ERG: variants seen among roughly 807,000 people sequenced by gnomAD.
The protein encoded by ERG is ETS transcription factor ERG, also known as transcriptional regulator ERG.
Under a neutral mutation model 55.3 loss-of-function variants are expected in ERG, and 9 were observed. The ratio of observed to expected loss-of-function variants is 0.16; its 90% CI spans 0.10 to 0.28. The LOEUF is 0.28. Ranked by LOEUF, ERG falls within the 10% of genes least tolerant of loss-of-function variation. ERG has a pLI of 1.00. For missense variants in ERG, 434 were observed against 631.6 expected, an observed-to-expected ratio of 0.69 and a Z score of 3.35; for synonymous variants, 223 against 237.3, an observed-to-expected ratio of 0.94 and a Z score of 0.55.
downstream of ERG, among the ~76,000 whole-genome samples, chr21:38,375,884 G>T (rs961006728): frequency 2.0e-5 from 3 of 152,070 alleles, no homozygotes; most frequent in African/African-American, 7.2e-5. Context: ...AACACAACTG[G>T]ACATCACACA....
intron 3 of ERG, among the ~76,000 whole-genome samples, chr21:38,416,015 G>T (rs1989263135): frequency 6.6e-6 from 1 of 152,220 alleles, no homozygotes; most frequent in South Asian, 2.1e-4. Flanking sequence ...ATCAGGGCTT[G>T]GTCGGAGGGT....
intron 2 of ERG, among the ~76,000 whole-genome samples, chr21:38,560,845 T>C (rs988659001): frequency 6.6e-6 from 1 of 152,242 alleles, no homozygotes; most frequent in Non-Finnish European, 1.5e-5. Context: ...TGTTGCTGTT[T>C]ACATGAGGGC....
intron 2 of ERG, among the ~76,000 whole-genome samples, chr21:38,431,449 G>A (rs996635108): frequency 2.0e-5 from 3 of 152,168 alleles, no homozygotes; most frequent in African/African-American, 7.2e-5. Flanking sequence ...CTGTGTGCAA[G>A]CTATGTGAAG....
intron 2 of ERG, among the ~76,000 whole-genome samples, chr21:38,512,048 G>T (rs774001712): frequency 6.6e-6 from 1 of 152,188 alleles, no homozygotes; most frequent in Non-Finnish European, 1.5e-5. Context: ...CTAATGGAAG[G>T]TATATTGTCA....
downstream of ERG, among the ~76,000 whole-genome samples, chr21:38,375,514 C>A (rs1203373881): frequency 1.3e-5 from 2 of 152,218 alleles, no homozygotes; most frequent in East Asian, 1.9e-4. Flanking sequence ...ATTCTTGCTC[C>A]CCACTGATTT....
chr21:38,452,803 G>A (rs1366253094), intron 1 of ERG, among the ~76,000 whole-genome samples: 3 of 152,222 alleles, frequency 2.0e-5, no homozygotes, highest in Non-Finnish European at 4.4e-5. Context: ...AGGGCTCTGA[G>A]AAGGCCTGGC....
chr21:38,540,133 T>C (rs1473584527), intron 2 of ERG, among the ~76,000 whole-genome samples: 2 of 152,074 alleles, frequency 1.3e-5, no homozygotes, highest in Non-Finnish European at 2.9e-5. Context: ...CGACCTCAAG[T>C]GATCCACCCA....
upstream of ERG, among the ~76,000 whole-genome samples, chr21:38,589,262 C>G (rs558291012): frequency 6.6e-6 from 1 of 152,230 alleles, no homozygotes; most frequent in Non-Finnish European, 1.5e-5. Flanking sequence ...AGGCTCCACT[C>G]CCACCAGCAA....
chr21:38,445,544 C>A lies in ERG; in HGVS notation c.96G>T (p.Glu32Asp), dbSNP rs2146556873. 6.2e-7 allele frequency: 1 copy of A among 1,614,132 alleles called. No individual in the cohort carries two copies. Among genetic ancestry groups the A allele is most frequent in the Non-Finnish European group, 8.5e-7 (1 of 1,180,032 alleles). The change falls in exon 2 of 10, where the codon GAG becomes GAT. Residue 32 changes from glutamate (E) to aspartate (D), a missense_variant. By Grantham distance (45) the Glu-to-Asp change is conservative. This residue lies in a region of ERG where 212 missense variants were observed against 262.9 expected (regional missense o/e 0.81). Coordinates refer to ENST00000288319, the MANE Select transcript of ERG (RefSeq NM_182918.4). ...AYGTPHLAKT[E>D]MTASSSSDYG... ...AGTCGCTGGAGGAGGACGCGGTCAT[C>A]TCTGTCTTAGCCAGGTGTGGCGTTC... is the stretch of plus-strand genomic sequence containing the variant.
chr21:38,404,806 G>A (rs1988684023), intron 3 of ERG, among the ~76,000 whole-genome samples: 1 of 152,218 alleles, frequency 6.6e-6, no homozygotes, highest in Non-Finnish European at 1.5e-5. Context: ...AGGTGTGGGA[G>A]TCACATTTTA....
chr21:38,368,352 C>T, the ERG span, among the ~76,000 whole-genome samples: 3 of 151,688 alleles, frequency 2.0e-5, no homozygotes, highest in Non-Finnish European at 4.4e-5. Context: ...ATATGTTGTC[C>T]TGCTACATGC....
intron 1 of ERG, among the ~76,000 whole-genome samples, chr21:38,490,034 C>T (rs539107240): frequency 6.6e-6 from 1 of 152,328 alleles, no homozygotes; most frequent in South Asian, 2.1e-4. Flanking sequence ...CTTCCAGGAC[C>T]TGCTGTGCAG....
chr21:38,590,352 AAT>A (rs1241605600), intron 1 of ERG, among the ~76,000 whole-genome samples: 1 of 152,162 alleles, frequency 6.6e-6, no homozygotes, highest in African/African-American at 2.4e-5. Flanking sequence ...AGGTGGAGGA[AAT>A]AGATGAGGAG....
rs544024839 is a variant in ERG, at chr21:38,492,340, C to G, written c.18+6023G>C. Among the ~76,000 whole-genome samples the G allele has an allele frequency of 2.8e-3, 422 of 152,250 alleles. 2 individuals carry two copies. Among genetic ancestry groups the G allele is most frequent in the African/African-American group, 9.6e-3 (398 of 41,542 alleles). ...GGATTATGAATTCAAGATACTACAG[C>G]TACATTTTTTATACTTTCTTAAACA... On this transcript the variant is annotated intron_variant, in intron 1 of 9. Transcript: ENST00000288319.
intron 2 of ERG, among the ~76,000 whole-genome samples, chr21:38,438,279 C>A (rs1425650372): frequency 1.3e-5 from 2 of 152,202 alleles, no homozygotes; most frequent in Admixed American, 1.3e-4. Context: ...TTACCATGAT[C>A]TAACCTGCTG....
chr21:38,475,993 T>G (rs1004905533), intron 1 of ERG, among the ~76,000 whole-genome samples: 1 of 152,224 alleles, frequency 6.6e-6, no homozygotes, highest in African/African-American at 2.4e-5. Context: ...AGGAAGCTAC[T>G]TGTTATTAAA....
At chr21:38,644,936 C>T (rs456170) in intron 1 of ERG, among the ~76,000 whole-genome samples, 77,703 of 151,930 alleles carry the variant, frequency 0.51, 20,168 homozygotes, top group Middle Eastern at 0.64. Flanking sequence ...GAGGGAGCAT[C>T]TCTTGAGCCC....
intron 2 of ERG, among the ~76,000 whole-genome samples, chr21:38,424,506 G>A (rs1989728235): frequency 6.6e-6 from 1 of 152,168 alleles, no homozygotes; most frequent in Non-Finnish European, 1.5e-5. Flanking sequence ...TCCTGAAACT[G>A]TCATGTCAAA....
intron 1 of ERG, among the ~76,000 whole-genome samples, chr21:38,457,991 T>G (rs2059005952): frequency 6.6e-6 from 1 of 152,142 alleles, no homozygotes; most frequent in Admixed American, 6.5e-5. Context: ...TCATTTTAGA[T>G]TGACTTAAAA....
Sources: allele counts gnomAD v4.1 joint callset (sites outside exome capture counted in the v4.1 genomes callset), GRCh38; gene constraint gnomAD v4.1.1; regional missense constraint gnomAD v4.1.1; transcripts MANE v1.5; gene names NCBI Gene and HGNC (gene_info 2026-07-23, HGNC 2026-07-21).